CUX1: variants seen among roughly 807,000 people sequenced by gnomAD.
CUX1 encodes protein CASP.
In CUX1, 31 loss-of-function variants were observed where a neutral mutation model predicts 158.8. That is an observed-to-expected ratio of 0.20 (90% CI 0.15 to 0.26). The LOEUF (loss-of-function observed/expected upper bound fraction) is 0.26, where lower values mean the gene tolerates loss of function less well. Ranked by LOEUF, CUX1 falls within the 10% of genes least tolerant of loss-of-function variation. The pLI is 1.00. For missense variants in CUX1, 1,589 were observed against 2,014.6 expected (o/e 0.79, Z 4.04); for synonymous variants, 879 against 862.1 (o/e 1.02, Z -0.34).
intron 8 of CUX1, among the ~76,000 whole-genome samples, chr7:102,132,318 C>CAT (rs782695688): frequency 0.1 from 6 of 60 alleles, no homozygotes; most frequent in Non-Finnish European, 0.19. Flanking sequence ...TGCGCGCGCG[C>CAT]GCGCGCACGC....
intron 9 of CUX1, among the ~76,000 whole-genome samples, chr7:102,159,777 C>G (rs1790232430): frequency 6.6e-6 from 1 of 152,180 alleles, no homozygotes; most frequent in African/African-American, 2.4e-5. Flanking sequence ...AGGAGAATCA[C>G]TTGAACCCTG....
intron 3 of CUX1, among the ~76,000 whole-genome samples, chr7:102,039,660 C>CCA (rs1321717441): frequency 2.9e-4 from 26 of 90,386 alleles, no homozygotes; most frequent in African/African-American, 1.0e-3. Context: ...GTCTCTATTT[C>CCA]AAAAAAAAAA....
At chr7:101,986,789 A>G (rs1203388694) in intron 2 of CUX1, among the ~76,000 whole-genome samples, 1 of 152,198 alleles carries the variant, frequency 6.6e-6, no homozygotes, top group East Asian at 1.9e-4. Flanking sequence ...CTACCAGAGC[A>G]GAGTCTTTCT....
chr7:101,998,784 A>G (rs989674029), intron 2 of CUX1, among the ~76,000 whole-genome samples: 22 of 152,170 alleles, frequency 1.4e-4, no homozygotes, highest in Non-Finnish European at 2.9e-4. Context: ...TGTGTTGGGC[A>G]GGAAGCCACT....
intron 2 of CUX1, among the ~76,000 whole-genome samples, chr7:101,931,469 C>T (rs1806282627): frequency 6.6e-6 from 1 of 152,192 alleles, no homozygotes; most frequent in Non-Finnish European, 1.5e-5. Flanking sequence ...CACAGGATCC[C>T]TACGAAACAG....
At chr7:102,000,602 G>A (rs1011539606) in intron 2 of CUX1, among the ~76,000 whole-genome samples, 1 of 152,226 alleles carries the variant, frequency 6.6e-6, no homozygotes, top group Non-Finnish European at 1.5e-5. Context: ...CCGTGGGCAC[G>A]TTGAAGCTGC....
intron 1 of CUX1, among the ~76,000 whole-genome samples, chr7:101,839,094 C>T (rs1425929111): frequency 6.6e-6 from 1 of 152,222 alleles, no homozygotes; most frequent in Non-Finnish European, 1.5e-5. Flanking sequence ...ACACTAATCC[C>T]ATCATGAGGG....
At chr7:102,239,666 GGT>G (rs1199784701) in intron 23 of CUX1, 82 bp downstream of exon 23, 79 of 1,502,258 alleles carry the variant, frequency 5.3e-5, no homozygotes, top group Non-Finnish European at 7.0e-5. Context: ...GGCGCACAGG[GGT>G]GAGGCTGGGG....
At chr7:102,234,283 A>G (rs1586365685) in intron 22 of CUX1, 43 bp downstream of exon 22, 1 of 1,443,578 alleles carries the variant, frequency 6.9e-7, no homozygotes, top group Non-Finnish European at 9.2e-7. Flanking sequence ...GTCCGCATTC[A>G]TAGACAGGCT....
At chr7:102,229,686 C>T (rs187508556) in intron 21 of CUX1, among the ~76,000 whole-genome samples, 47 of 144,030 alleles carry the variant, frequency 3.3e-4, no homozygotes, top group African/African-American at 9.2e-4. Flanking sequence ...GGCACAATCG[C>T]GGCTCACTAT....
chr7:101,821,853 T>G (rs1325121572), intron 1 of CUX1, among the ~76,000 whole-genome samples: 1 of 138,950 alleles, frequency 7.2e-6, no homozygotes, highest in Non-Finnish European at 1.5e-5. Context: ...TTTTTTGTTT[T>G]TTTGTTTTTT....
intron 1 of CUX1, among the ~76,000 whole-genome samples, chr7:101,823,737 G>A (rs1792941947): frequency 6.6e-6 from 1 of 152,216 alleles, no homozygotes; most frequent in Non-Finnish European, 1.5e-5. Flanking sequence ...CATGGGTTAT[G>A]AGGTGTTCCG....
At chr7:101,886,065 A>C (rs2131597021) in intron 1 of CUX1, among the ~76,000 whole-genome samples, 1 of 152,296 alleles carries the variant, frequency 6.6e-6, no homozygotes, top group South Asian at 2.1e-4. Context: ...TGGAAGTGAC[A>C]GGTGAGGCAC....
At chr7:101,983,683 A>G (rs1408864056) in intron 2 of CUX1, among the ~76,000 whole-genome samples, 2 of 152,228 alleles carry the variant, frequency 1.3e-5, no homozygotes, top group Middle Eastern at 3.4e-3. Context: ...TCACATGGGG[A>G]GAGAGAGAGT....
Position 102,121,460 on chromosome 7 carries a change from C to G in CUX1, c.674+6187C>G, listed in dbSNP as rs150705718. 1.4e-4 allele frequency among the ~76,000 whole-genome samples: 21 copies of G among 152,244 alleles called. No individual in the cohort carries two copies. In the East Asian group the frequency reaches 4.1e-3, roughly 29 times the overall value. ...TCCCGGGTTCAAGCGATTCTCCTGC[C>G]TCAGTCTCCCAAGTAACTGGAATTG... On this transcript the variant is annotated intron_variant, in intron 8 of 23. Coordinates refer to ENST00000292535, the MANE Select transcript of CUX1 (RefSeq NM_181552.4).
rs11433173 is a variant in CUX1, at chr7:101,958,479, C to CTTT, written c.141+42271_141+42273dup. 1.4e-3 allele frequency among the ~76,000 whole-genome samples: 160 copies of CTTT among 112,084 alleles called. 3 individuals carry two copies. The highest frequency in any genetic ancestry group is 4.1e-3 in the South Asian group (14 of 3,398). The allele number at this position is 112,084 out of a possible 152,430, so 73.5% of individuals were successfully genotyped here. On this transcript the variant is annotated intron_variant, in intron 2 of 23. Transcript: ENST00000292535. Reference sequence around the variant, plus strand: ...TAGGGTGGTCCTGAGATTTTCTTTTCTTTTTTTTTTTTTTTTTTTGAGGCG... The same window carrying CTTT: ...TAGGGTGGTCCTGAGATTTTCTTTTCTTTTTTTTTTTTTTTTTTTTTTGAGGCG...
chr7:102,154,836 A>G (rs1836090592), intron 8 of CUX1, among the ~76,000 whole-genome samples: 2 of 152,196 alleles, frequency 1.3e-5, no homozygotes, highest in Non-Finnish European at 2.9e-5. Flanking sequence ...GAGGGCTTAT[A>G]TAGGGGCACA....
At chr7:102,199,520 G>C (rs1795170183) in intron 16 of CUX1, among the ~76,000 whole-genome samples, 2 of 152,218 alleles carry the variant, frequency 1.3e-5, no homozygotes, top group Non-Finnish European at 2.9e-5. Context: ...ATTTCTGCAG[G>C]CTCCTTTCCT....
At chr7:101,841,711 C>G (rs1024839315) in intron 1 of CUX1, among the ~76,000 whole-genome samples, 1 of 152,086 alleles carries the variant, frequency 6.6e-6, no homozygotes, top group Non-Finnish European at 1.5e-5. Context: ...GCGTCCCTGC[C>G]ACCACGCCCA....
Sources: gnomAD v4.1 joint callset for allele counts (sites outside exome capture counted in the v4.1 genomes callset) on GRCh38, gnomAD v4.1.1 for gene constraint, MANE v1.5 for transcripts, NCBI Gene and HGNC (gene_info 2026-07-23, HGNC 2026-07-21) for gene names.